The following PCDH9 variants were observed in gnomAD, a reference collection of about 807,000 sequenced individuals.
PCDH9 encodes protocadherin-9.
In PCDH9, 24 loss-of-function variants were observed where a neutral mutation model predicts 70.6. The ratio of observed to expected loss-of-function variants is 0.34; its 90% CI spans 0.25 to 0.48. The LOEUF is 0.48. PCDH9 is among the 20% of genes least tolerant of loss of function. PCDH9 has a pLI of 0.99. For synonymous variants in PCDH9, 562 were observed against 558.5 expected (o/e 1.01, Z -0.09); for missense variants, 1,281 against 1,503.6 (o/e 0.85, Z 2.45).
At chr13:66,994,814 T>G (rs1163093825) in intron 2 of PCDH9, among the ~76,000 whole-genome samples, 1 of 152,206 alleles carries the variant, frequency 6.6e-6, no homozygotes, top group Non-Finnish European at 1.5e-5. Flanking sequence ...CTACGCTATA[T>G]ATAAATATAA....
rs2089879782 is a variant in PCDH9, at chr13:67,226,620, C to T, written c.1821G>A (p.Val607=). Residue 607 remains valine (V), a synonymous_variant, in exon 2 of 5, where the codon GTG becomes GTA. Transcript: ENST00000377865. This position sits in a 1 kb window ranked among gnomAD's most constrained non-coding sequence, Gnocchi z 5.0. ...TDADAGENKA[V]TLSILNDNDN... ...CATTGTCATTTAGAATGGAAAGAGT[C>T]ACAGCTTTATTCTCTCCAGCATCTG... 1.9e-6 allele frequency: 3 copies of T among 1,613,936 alleles called. No homozygotes were observed. The highest frequency in any genetic ancestry group is 1.7e-5 in the Admixed American group (1 of 60,002).
intron 2 of PCDH9, among the ~76,000 whole-genome samples, chr13:67,126,232 T>G (rs2138314249): frequency 6.6e-6 from 1 of 152,284 alleles, no homozygotes; most frequent in South Asian, 2.1e-4. Context: ...AATCAACCCA[T>G]AGCACCATTC....
intron 3 of PCDH9, among the ~76,000 whole-genome samples, chr13:66,834,824 T>A (rs1238125239): frequency 6.6e-6 from 1 of 152,214 alleles, no homozygotes; most frequent in Non-Finnish European, 1.5e-5. Flanking sequence ...ACTTAACACT[T>A]CAGCAAAAGG....
At chr13:66,978,938 G>GT (rs2083680525) in intron 2 of PCDH9, among the ~76,000 whole-genome samples, 1 of 151,518 alleles carries the variant, frequency 6.6e-6, no homozygotes, top group Admixed American at 6.6e-5. Flanking sequence ...TATATGTACT[G>GT]TTATATAAAG....
chr13:66,431,840 T>A (rs1258135034), intron 4 of PCDH9, among the ~76,000 whole-genome samples: 6 of 151,972 alleles, frequency 3.9e-5, no homozygotes, highest in Non-Finnish European at 5.9e-5. Flanking sequence ...TTCATTAGGG[T>A]TTTTATCTCA....
intron 4 of PCDH9, among the ~76,000 whole-genome samples, chr13:66,501,173 A>G (rs779806058): frequency 2.6e-5 from 4 of 152,162 alleles, no homozygotes; most frequent in Non-Finnish European, 5.9e-5. Context: ...ATAAATGCAC[A>G]TCCTTATGAG....
At position 66,738,426 on chromosome 13, in the gene PCDH9, G is replaced by A. The variant is rs531343311; in HGVS notation, c.3139-107015C>T. ...ACAGAAAAACTGGAAACTGTAAAAC[G>A]CAGAGCGCCTCTCCTCCTCCAAAGG... is the stretch of plus-strand genomic sequence containing the variant. On this transcript the variant is annotated intron_variant, in intron 3 of 4. Coordinates refer to ENST00000377865, the MANE Select transcript of PCDH9 (RefSeq NM_203487.3). Among the ~76,000 whole-genome samples the A allele has an allele frequency of 8.0e-3, 1,219 of 151,838 alleles. 14 individuals carry two copies. Among genetic ancestry groups the A allele is most frequent in the African/African-American group, 0.027 (1,126 of 41,456 alleles).
At chr13:67,111,067 T>C (rs2086650467) in intron 2 of PCDH9, among the ~76,000 whole-genome samples, 1 of 152,236 alleles carries the variant, frequency 6.6e-6, no homozygotes, top group African/African-American at 2.4e-5. Flanking sequence ...ATCTCATGCC[T>C]CTTTCCTTAC....
intron 3 of PCDH9, among the ~76,000 whole-genome samples, chr13:66,900,541 G>A (rs2082260211): frequency 6.6e-6 from 1 of 151,658 alleles, no homozygotes; most frequent in Non-Finnish European, 1.5e-5. Flanking sequence ...CTTAGAATAG[G>A]GTCTGGCACA....
chr13:67,225,779 C>T lies in PCDH9; in HGVS notation c.2662G>A (p.Glu888Lys), dbSNP rs147427572. ...ACTGCATCATCGGGTTTGGACTCTTCGATAGTAACAAAGTTCAAAAGAGAG... is the reference window on the plus strand; with the variant it reads ...ACTGCATCATCGGGTTTGGACTCTTTGATAGTAACAAAGTTCAAAAGAGAG... ...KSSLLNFVTI[E>K]ESKPDDAVHE... Residue 888 changes from glutamate (E) to lysine (K), a missense_variant, in exon 2 of 5, where the codon GAA becomes AAA. This residue lies in a region of PCDH9 where 207 missense variants were observed against 191.8 expected (regional missense o/e 1.08). Coordinates refer to ENST00000377865, the MANE Select transcript of PCDH9 (RefSeq NM_203487.3). 26 of 1,613,966 alleles carry T rather than the reference C, an allele frequency of 1.6e-5. 1 individual carries two copies. Among genetic ancestry groups the T allele is most frequent in the Non-Finnish European group, 2.2e-5 (26 of 1,180,018 alleles).
At chr13:66,953,165 T>A (rs2083211453) in intron 2 of PCDH9, among the ~76,000 whole-genome samples, 1 of 152,084 alleles carries the variant, frequency 6.6e-6, no homozygotes, top group Non-Finnish European at 1.5e-5. Context: ...TTCACAAACA[T>A]ACATATATAA....
At chr13:67,213,582 A>C (rs1239538592) in intron 2 of PCDH9, 3 of 152,092 alleles carry the variant, frequency 2.0e-5, no homozygotes, top group African/African-American at 7.2e-5. Context: ...TATCCACACT[A>C]TGTCCCTGCC....
At chr13:66,935,739 T>C (rs997177913) in intron 2 of PCDH9, among the ~76,000 whole-genome samples, 2 of 152,132 alleles carry the variant, frequency 1.3e-5, no homozygotes, top group Admixed American at 1.3e-4. Context: ...ATAGTTCTAC[T>C]AGTCACAAAG....
intron 2 of PCDH9, among the ~76,000 whole-genome samples, chr13:66,934,410 G>C (rs1487697919): frequency 1.3e-5 from 2 of 151,456 alleles, no homozygotes; most frequent in African/African-American, 2.4e-5. Context: ...GTGTGGTGGC[G>C]AGTGCCTGCA....
At chr13:66,544,278 G>A (rs1393360071) in intron 4 of PCDH9, among the ~76,000 whole-genome samples, 1 of 151,996 alleles carries the variant, frequency 6.6e-6, no homozygotes, top group Non-Finnish European at 1.5e-5. Context: ...TTCCTTAATT[G>A]AATGAAAATG....
intron 3 of PCDH9, among the ~76,000 whole-genome samples, chr13:66,867,016 C>CTTTTT (rs562922937): frequency 7.3e-6 from 1 of 137,024 alleles, no homozygotes; most frequent in African/African-American, 2.7e-5. Context: ...CAGTTTCTTT[C>CTTTTT]TTTTTTTTTT....
At chr13:66,512,218 T>A (rs1959509363) in intron 4 of PCDH9, among the ~76,000 whole-genome samples, 1 of 150,912 alleles carries the variant, frequency 6.6e-6, no homozygotes, top group African/African-American at 2.4e-5. Flanking sequence ...AAAGAGCCTG[T>A]AGAGAAACAT....
At chr13:67,051,813 A>T (rs1312454080) in intron 2 of PCDH9, among the ~76,000 whole-genome samples, 2 of 152,084 alleles carry the variant, frequency 1.3e-5, no homozygotes, top group Non-Finnish European at 2.9e-5. Flanking sequence ...CTATCACATG[A>T]TTTGCTAAGT....
chr13:66,409,164 A>C (rs1425874289), intron 4 of PCDH9, among the ~76,000 whole-genome samples: 2 of 152,176 alleles, frequency 1.3e-5, no homozygotes, highest in Non-Finnish European at 2.9e-5. Context: ...AAATGAAAAA[A>C]AAAGGAGCCA....
Sources: gnomAD v4.1 joint callset for allele counts (sites outside exome capture counted in the v4.1 genomes callset) on GRCh38, gnomAD v4.1.1 for gene constraint, gnomAD v4.1.1 regional missense constraint, Gnocchi (gnomAD v3.1) non-coding constraint, MANE v1.5 for transcripts, NCBI Gene and HGNC (gene_info 2026-07-23, HGNC 2026-07-21) for gene names.